C4BPA: variants seen among roughly 807,000 people sequenced by gnomAD.
The protein encoded by C4BPA is complement component 4 binding protein alpha.
C4BPA carries 31 observed loss-of-function variants against 63.7 expected under a neutral mutation model. The ratio of observed to expected loss-of-function variants is 0.49; its 90% CI spans 0.37 to 0.66. The LOEUF is 0.66. Among genes scored for constraint, C4BPA ranks in the 30% least tolerant of loss-of-function variants. The probability of loss-of-function intolerance (pLI) is 0.00; values close to 1 mark genes in which losing one functional copy is unlikely to be tolerated. For missense variants in C4BPA, 572 were observed against 723.3 expected, an observed-to-expected ratio of 0.79 and a Z score of 2.40; for synonymous variants, 259 against 254.7, an observed-to-expected ratio of 1.02 and a Z score of -0.16.
intron 1 of C4BPA, among the ~76,000 whole-genome samples, chr1:207,108,067 G>A (rs566204292): frequency 6.6e-5 from 10 of 152,144 alleles, no homozygotes; most frequent in Non-Finnish European, 1.5e-4. Flanking sequence ...CAAGGTGCCT[G>A]GGAGATACAA....
rs1478354353 is a variant in C4BPA at position 207,106,630 on chromosome 1, A to G, written c.-26+2200A>G. 4.7e-5 allele frequency among the ~76,000 whole-genome samples: 7 copies of G among 149,752 alleles called. No individual in the cohort carries two copies. In the East Asian group the frequency reaches 1.2e-3, roughly 26 times the overall value. ...CTAATTTTTTGTCTTTTTAGTAGAG[A>G]CAGGGTTTCACCGTGTTAGCCAGGA... On this transcript the variant is annotated intron_variant, in intron 1 of 11. Coordinates refer to ENST00000367070, the MANE Select transcript of C4BPA (RefSeq NM_000715.4).
At chr1:207,139,779 T>C (rs1685372717) in intron 9 of C4BPA, among the ~76,000 whole-genome samples, 1 of 152,200 alleles carries the variant, frequency 6.6e-6, no homozygotes, top group Non-Finnish European at 1.5e-5. Context: ...GGCAGATTCA[T>C]TACTGTGCAA....
rs1572778006 is a variant in C4BPA, at chr1:207,115,458, T to C, written c.371T>C (p.Val124Ala). ...CCAGGAGAGTTACGTAATGGGCAAG[T>C]AGAGATTAAGACAGATTTATCTTTT... ...RHPGELRNGQ[V>A]EIKTDLSFGS... The change falls in exon 4 of 12, where the codon GTA becomes GCA. Residue 124 changes from valine to alanine, a missense_variant. Physicochemically the swap from Val to Ala is moderately conservative, Grantham distance 64 (BLOSUM62 0). Transcript: ENST00000367070. The C allele has an allele frequency of 6.2e-7, 1 of 1,600,974 alleles. No individual in the cohort carries two copies. The highest frequency in any genetic ancestry group is 2.3e-5 in the East Asian group (1 of 44,008).
At chr1:207,110,483 T>A (rs935530450) in intron 1 of C4BPA, among the ~76,000 whole-genome samples, 3 of 152,184 alleles carry the variant, frequency 2.0e-5, no homozygotes, top group African/African-American at 7.2e-5. Flanking sequence ...TATCTAACAT[T>A]GTTTCAAGAA....
rs759030264 is a variant in C4BPA, at chr1:207,124,248, C to A, written c.588C>A (p.Gly196=). 3 of 1,613,890 alleles carry A rather than the reference C, an allele frequency of 1.9e-6. No homozygotes were observed. The highest frequency in any genetic ancestry group is 2.5e-6 in the Non-Finnish European group (3 of 1,179,844). The part of the protein sequence containing the change: ...HSGEENFYAY[G]FSVTYSCDPR... ...GTGAAGAAAATTTCTACGCATACGG[C>A]TTTTCTGTCACCTACAGCTGTGACC... is the stretch of plus-strand genomic sequence containing the variant. Residue 196 remains glycine, a synonymous_variant, in exon 6 of 12, where the codon GGC becomes GGA. Coordinates refer to ENST00000367070, the MANE Select transcript of C4BPA (RefSeq NM_000715.4).
chr1:207,134,368 T>A, intron 8 of C4BPA, 36 bp from the exon 9 acceptor site: 1 of 1,516,968 alleles, frequency 6.6e-7, no homozygotes, highest in Non-Finnish European at 9.0e-7. Context: ...CTCATGGTGA[T>A]TTTACTAACC....
intron 8 of C4BPA, among the ~76,000 whole-genome samples, chr1:207,134,112 C>A (rs1414628893): frequency 2.6e-5 from 4 of 152,126 alleles, no homozygotes; most frequent in Non-Finnish European, 5.9e-5. Context: ...ACTCCCAAAG[C>A]ACTGGGATTA....
At chr1:207,127,855 C>T (rs978842811) in intron 7 of C4BPA, among the ~76,000 whole-genome samples, 1 of 152,150 alleles carries the variant, frequency 6.6e-6, no homozygotes, top group African/African-American at 2.4e-5. Flanking sequence ...GTGGGCTCAT[C>T]CCACAAGTGG....
chr1:207,127,651 G>A (rs1329132354), intron 7 of C4BPA, among the ~76,000 whole-genome samples: 1 of 152,162 alleles, frequency 6.6e-6, no homozygotes, highest in African/African-American at 2.4e-5. Context: ...CCTCTCTCCT[G>A]AAGAGGTATC....
At chr1:207,108,401 C>A (rs185502949) in intron 1 of C4BPA, among the ~76,000 whole-genome samples, 1 of 152,136 alleles carries the variant, frequency 6.6e-6, no homozygotes, top group East Asian at 1.9e-4. Context: ...AATCCAGGAA[C>A]GACTCCTTTG....
chr1:207,106,438 T>C (rs1182706146), intron 1 of C4BPA, among the ~76,000 whole-genome samples: 3 of 143,936 alleles, frequency 2.1e-5, no homozygotes, highest in African/African-American at 5.6e-5. Flanking sequence ...TTCCTCCGTG[T>C]AAGTTTTTTT....
rs2102373293 is a variant in C4BPA, at chr1:207,144,775, AC to A, written c.*59del. ...GCTGGCTTGCCTCTTGCAATTCAATACAGATCAGTTTAGCAAATCTACTGTC... is the reference window on the plus strand; with the variant it reads ...GCTGGCTTGCCTCTTGCAATTCAATAAGATCAGTTTAGCAAATCTACTGTC... On this transcript the variant is annotated 3_prime_UTR_variant, in exon 12 of 12. Transcript: ENST00000367070. 8.4e-7 allele frequency: 1 copy of A among 1,189,086 alleles called. No homozygotes were observed. Among genetic ancestry groups the A allele is most frequent in the Admixed American group, 2.5e-5 (1 of 39,848 alleles). The allele number at this position is 1,189,086 out of a possible 1,614,324, so 73.7% of individuals were successfully genotyped here.
At chr1:207,122,406 T>C (rs1376270939) in intron 4 of C4BPA, among the ~76,000 whole-genome samples, 1 of 152,200 alleles carries the variant, frequency 6.6e-6, no homozygotes, top group East Asian at 1.9e-4. Flanking sequence ...CTCATATGGC[T>C]TGATCTTTGT....
In C4BPA at chr1:207,144,535, A is replaced by G. The variant is rs1685490432; in HGVS notation, c.1621-9A>G. The G allele has an allele frequency of 1.9e-6, 3 of 1,589,882 alleles. No individual in the cohort carries two copies. Among genetic ancestry groups the G allele is most frequent in the Non-Finnish European group, 2.6e-6 (3 of 1,170,328 alleles). On this transcript the variant is annotated splice_polypyrimidine_tract_variant and intron_variant, in intron 11 of 11. Transcript: ENST00000367070. ...CTTCTCAATCACACCCACCACTTATATCTTTTAGGAGACCCCCGAAGGCTG... is the reference window on the plus strand; with the variant it reads ...CTTCTCAATCACACCCACCACTTATGTCTTTTAGGAGACCCCCGAAGGCTG...
intron 1 of C4BPA, 47 bp from the exon 2 acceptor site, chr1:207,112,954 C>A (rs1558086901): frequency 6.8e-7 from 1 of 1,481,110 alleles, no homozygotes; most frequent in Non-Finnish European, 9.0e-7. Flanking sequence ...TGCTTTATGA[C>A]AAGTTGGAAT....
rs564131234 is a variant in C4BPA, at chr1:207,126,921, C to G, written c.889+26C>G. On this transcript the variant is annotated intron_variant, in intron 7 of 11. Coordinates refer to ENST00000367070, the MANE Select transcript of C4BPA (RefSeq NM_000715.4). ...GTAAGTATGGACTGTGACAGAATTTCAATGTTTGGCATCTAAAGGTACCCC... is the reference window on the plus strand; with the variant it reads ...GTAAGTATGGACTGTGACAGAATTTGAATGTTTGGCATCTAAAGGTACCCC... 9.5e-6 allele frequency: 15 copies of G among 1,578,060 alleles called. No individual in the cohort carries two copies. In the Admixed American group the frequency reaches 2.2e-4, roughly 23 times the overall value.
intron 4 of C4BPA, among the ~76,000 whole-genome samples, chr1:207,117,303 T>C (rs181304287): frequency 1.3e-5 from 2 of 152,010 alleles, no homozygotes; most frequent in Non-Finnish European, 2.9e-5. Flanking sequence ...TTAAAAACAT[T>C]AGCCGAGTGT....
chr1:207,131,518 G>C (rs765977791), intron 7 of C4BPA, 28 bp from the exon 8 acceptor site: 23 of 1,480,114 alleles, frequency 1.6e-5, no homozygotes, highest in Non-Finnish European at 2.1e-5. Flanking sequence ...GCGTCCTTTT[G>C]TTCTTCTTCT....
At chr1:207,139,583 T>C (rs1685367681) in intron 9 of C4BPA, among the ~76,000 whole-genome samples, 1 of 152,102 alleles carries the variant, frequency 6.6e-6, no homozygotes, top group African/African-American at 2.4e-5. Flanking sequence ...AACTACCAAT[T>C]TTGTCTATTC....
Sources: allele counts gnomAD v4.1 joint callset (sites outside exome capture counted in the v4.1 genomes callset), GRCh38; gene constraint gnomAD v4.1.1; transcripts MANE v1.5; gene names NCBI Gene and HGNC (gene_info 2026-07-23, HGNC 2026-07-21).